Variants in SLIT2 observed in about 807,000 individuals in gnomAD.
SLIT2 encodes slit homolog 2 protein.
A neutral mutation model predicts 185.7 loss-of-function variants in SLIT2; 41 were observed. The ratio of observed to expected loss-of-function variants is 0.22; its 90% confidence interval spans 0.17 to 0.29. The LOEUF is 0.29. Ranked by LOEUF, SLIT2 falls within the 10% of genes least tolerant of loss-of-function variation. The pLI, the probability that SLIT2 is intolerant of heterozygous loss-of-function variation, is 1.00. For synonymous variants in SLIT2, 693 were observed against 680.2 expected, an observed-to-expected ratio of 1.02 and a Z score of -0.29; for missense variants, 1,571 against 1,909.0, an observed-to-expected ratio of 0.82 and a Z score of 3.30.
chr4:20,304,307 G>A (rs1717334905), intron 4 of SLIT2, among the ~76,000 whole-genome samples: 1 of 152,074 alleles, frequency 6.6e-6, no homozygotes, highest in Non-Finnish European at 1.5e-5. Flanking sequence ...AAAAAATAAG[G>A]TAAGAGAGAA....
At position 20,362,243 on chromosome 4, in the gene SLIT2, A is replaced by G. The variant is rs190731976; in HGVS notation, c.395+93362A>G. 2.9e-4 allele frequency among the ~76,000 whole-genome samples: 44 copies of G among 152,212 alleles called. No homozygotes were observed. The East Asian group carries it at 7.2e-3, about 25-fold the overall frequency. On this transcript the variant is annotated intron_variant, in intron 4 of 36. Transcript: ENST00000504154. Reference sequence around the variant, plus strand: ...TATCAAGGATGGTTCTGTCTGCCTAATTTGTAACTTTTGGTTGGGGCTTGG... The same window carrying G: ...TATCAAGGATGGTTCTGTCTGCCTAGTTTGTAACTTTTGGTTGGGGCTTGG...
At chr4:20,397,911 G>C (rs1726039287) in intron 4 of SLIT2, among the ~76,000 whole-genome samples, 2 of 151,784 alleles carry the variant, frequency 1.3e-5, no homozygotes, top group Admixed American at 1.3e-4. Context: ...AGAAGTCAAA[G>C]ATGATACCCA....
chr4:20,492,524 T>C (rs1211004847), intron 9 of SLIT2, among the ~76,000 whole-genome samples: 1 of 152,172 alleles, frequency 6.6e-6, no homozygotes, highest in Non-Finnish European at 1.5e-5. Context: ...TCACCAAATA[T>C]AAGTCATGTG....
chr4:20,459,486 C>G (rs1713460233), intron 4 of SLIT2, among the ~76,000 whole-genome samples: 1 of 152,100 alleles, frequency 6.6e-6, no homozygotes, highest in Non-Finnish European at 1.5e-5. Context: ...GTAAACTAAG[C>G]ATAAGTTTCT....
At chr4:20,334,647 T>C (rs2109211146) in intron 4 of SLIT2, among the ~76,000 whole-genome samples, 1 of 152,244 alleles carries the variant, frequency 6.6e-6, no homozygotes, top group African/African-American at 2.4e-5. Context: ...CTCCCTGAGG[T>C]AAAAAAGTCC....
rs4552453 is a variant in SLIT2 at position 20,252,675 on chromosome 4, T to C, written c.-1141T>C. ...GTCTGCCGCGGAGCTGCGGCTTATC[T>C]GGGAGACGAGCGGGGTTGACACGCG... On this transcript the variant is annotated 5_prime_UTR_variant, in exon 1 of 37. Coordinates refer to ENST00000504154, the MANE Select transcript of SLIT2 (RefSeq NM_004787.4). Among the ~76,000 whole-genome samples the C allele has an allele frequency of 0.78, 118,013 of 152,202 alleles. 45,942 individuals carry two copies. The highest frequency in any genetic ancestry group is 0.99 in the East Asian group (5,086 of 5,128).
intron 9 of SLIT2, among the ~76,000 whole-genome samples, chr4:20,498,220 G>A (rs923706143): frequency 6.6e-6 from 1 of 152,050 alleles, no homozygotes; most frequent in Non-Finnish European, 1.5e-5. Context: ...AAGCAGTGTG[G>A]ACTAATGAAG....
chr4:20,328,943 A>G (rs1430583921), intron 4 of SLIT2, among the ~76,000 whole-genome samples: 1 of 152,030 alleles, frequency 6.6e-6, no homozygotes, highest in Non-Finnish European at 1.5e-5. Flanking sequence ...GTGGGGAGAG[A>G]AGAGAAAGGC....
chr4:20,390,513 C>A (rs1725327245), intron 4 of SLIT2, among the ~76,000 whole-genome samples: 1 of 151,954 alleles, frequency 6.6e-6, no homozygotes, highest in Non-Finnish European at 1.5e-5. Flanking sequence ...TTCCTAAAAC[C>A]ACTAGTAGTT....
In SLIT2 at chr4:20,620,257, T is replaced by C. The variant is rs1729982652; in HGVS notation, c.*1248T>C. ...AGGTGGGGATAAAAAGACTGTCATATCAAGAACTGTGACTTTTCTTTCCCT... is the reference window on the plus strand; with the variant it reads ...AGGTGGGGATAAAAAGACTGTCATACCAAGAACTGTGACTTTTCTTTCCCT... On this transcript the variant is annotated 3_prime_UTR_variant, in exon 37 of 37. Coordinates refer to ENST00000504154, the MANE Select transcript of SLIT2 (RefSeq NM_004787.4). The C allele has an allele frequency of 2.9e-6, 1 of 343,002 alleles. No homozygotes were observed. Among genetic ancestry groups the C allele is most frequent in the Non-Finnish European group, 5.6e-6 (1 of 178,646 alleles). 21.2% of individuals were successfully genotyped at this position (343,002 alleles called of 1,614,324 possible).
chr4:20,491,225 C>T (rs900886447), intron 8 of SLIT2, among the ~76,000 whole-genome samples: 1 of 152,240 alleles, frequency 6.6e-6, no homozygotes, highest in East Asian at 1.9e-4. Context: ...AATTTTGAAC[C>T]TATCAAGACA....
At chr4:20,512,051 G>T (rs533206394) in intron 11 of SLIT2, among the ~76,000 whole-genome samples, 1 of 152,208 alleles carries the variant, frequency 6.6e-6, no homozygotes, top group South Asian at 2.1e-4. Flanking sequence ...CTTCACACTT[G>T]TAAAAAAATC....
At chr4:20,584,443 A>G (rs1726874677) in intron 29 of SLIT2, among the ~76,000 whole-genome samples, 1 of 152,210 alleles carries the variant, frequency 6.6e-6, no homozygotes, top group South Asian at 2.1e-4. Flanking sequence ...CATCCAAATC[A>G]GGGTAGTTAT....
At chr4:20,372,706 C>A (rs1723691980) in intron 4 of SLIT2, among the ~76,000 whole-genome samples, 1 of 152,104 alleles carries the variant, frequency 6.6e-6, no homozygotes, top group African/African-American at 2.4e-5. Context: ...TAAGAGAAAG[C>A]AAAGCATAGA....
intron 4 of SLIT2, among the ~76,000 whole-genome samples, chr4:20,328,454 A>G (rs1719779710): frequency 6.6e-6 from 1 of 152,036 alleles, no homozygotes; most frequent in Non-Finnish European, 1.5e-5. Flanking sequence ...AACTCCTAAA[A>G]TTTGCTATAA....
Position 20,423,897 on chromosome 4 carries a change from G to A in SLIT2, c.396-43855G>A, listed in dbSNP as rs536842239. ...TTTGCATTACATGTGTTTCCTTAAAGGAATGTAATTTTGGCTCATGTGATC... is the reference window on the plus strand; with the variant it reads ...TTTGCATTACATGTGTTTCCTTAAAAGAATGTAATTTTGGCTCATGTGATC... On this transcript the variant is annotated intron_variant, in intron 4 of 36. Transcript: ENST00000504154. 3.9e-5 allele frequency among the ~76,000 whole-genome samples: 6 copies of A among 152,172 alleles called. No homozygotes were observed. In the South Asian group the frequency reaches 1.0e-3, roughly 26 times the overall value.
intron 31 of SLIT2, 151 bp from the exon 32 acceptor site, chr4:20,596,264 A>T: frequency 1.4e-6 from 1 of 717,126 alleles, no homozygotes; most frequent in East Asian, 2.7e-5. Flanking sequence ...CAGCACAGTG[A>T]TGATTTTGTT....
chr4:20,506,108 C>A (rs746458210), intron 9 of SLIT2, among the ~76,000 whole-genome samples: 6 of 152,044 alleles, frequency 3.9e-5, no homozygotes, highest in Non-Finnish European at 5.9e-5. Flanking sequence ...AACACACAAA[C>A]ACATACAGTG....
rs1560190191 is a variant in SLIT2, at chr4:20,553,745, GTGTGTGTGTGTATGTGTGTGTGTGTA to G, written c.2562-49_2562-24del. 3.8e-6 allele frequency: 5 copies of G among 1,304,532 alleles called. No individual in the cohort carries two copies. The East Asian group carries it at 1.0e-4, about 27-fold the overall frequency. The allele number at this position is 1,304,532 out of a possible 1,614,324, so 80.8% of individuals were successfully genotyped here. A position where few individuals can be genotyped will look rare whatever the true frequency, so the allele number is the denominator to read the frequency against. On this transcript the variant is annotated intron_variant, in intron 25 of 36. Coordinates refer to ENST00000504154, the MANE Select transcript of SLIT2 (RefSeq NM_004787.4). ...ACAATACTTCCATACTTGTGTGTGT[GTGTGTGTGTGTATGTGTGTGTGTGTA>G]TGTGTGTGTGCTTCTGTGGTGTTGT... is the stretch of plus-strand genomic sequence containing the variant.
Sources: gnomAD v4.1 joint callset for allele counts (sites outside exome capture counted in the v4.1 genomes callset) on GRCh38, gnomAD v4.1.1 for gene constraint, MANE v1.5 for transcripts, NCBI Gene and HGNC (gene_info 2026-07-23, HGNC 2026-07-21) for gene names.